Variants in DPH7 observed in about 807,000 individuals in gnomAD.
DPH7 encodes the protein diphthamide biosynthesis 7.
Under a neutral mutation model 41.7 loss-of-function variants are expected in DPH7, and 44 were observed. That is an observed-to-expected ratio of 1.05 (90% CI 0.83 to 1.36). DPH7 has a LOEUF of 1.36. Among genes scored for constraint, DPH7 ranks in the 40% most tolerant of loss-of-function variants. DPH7 has a pLI of 0.00. For synonymous variants in DPH7, 275 were observed against 238.0 expected (o/e 1.16, Z -1.43); for missense variants, 629 against 577.5 (o/e 1.09, Z -0.91).
chr9:137,564,835 A>C (rs1432585455), intron 7 of DPH7, 58 bp downstream of exon 7: 11 of 1,543,114 alleles, frequency 7.1e-6, no homozygotes, highest in African/African-American at 1.4e-5. Flanking sequence ...AGGGCCCAGG[A>C]GCCCCCCGGG....
Position 137,554,447 on chromosome 9 carries a change from T to C in DPH7, c.*792A>G, listed in dbSNP as rs1178459661. Among the ~76,000 whole-genome samples, 1 of 152,182 alleles carries C rather than the reference T, an allele frequency of 6.6e-6. No individual in the cohort carries two copies. Among genetic ancestry groups the C allele is most frequent in the Non-Finnish European group, 1.5e-5 (1 of 68,030 alleles). On this transcript the variant is annotated 3_prime_UTR_variant, in exon 9 of 9. Transcript: ENST00000277540. ...ATCTGTAACTGGTTGTCCTCAATTA[T>C]TGTTTATACAATTTTTTATTATTTA...
At position 137,556,061 on chromosome 9, in the gene DPH7, G is replaced by A. The variant is rs111329149; in HGVS notation, c.950-413C>T. ...AGGTGAGAAAGTCCAAGGCTCGCAC[G>A]GGGAACCACAAACAGGCAGCCATGG... On this transcript the variant is annotated intron_variant, in intron 8 of 8. Transcript: ENST00000277540. This position sits in a 1 kb window ranked among gnomAD's most constrained non-coding sequence, Gnocchi z 5.2. 1.9e-4 allele frequency among the ~76,000 whole-genome samples: 29 copies of A among 152,306 alleles called. No individual in the cohort carries two copies. Among genetic ancestry groups the A allele is most frequent in the African/African-American group, 6.7e-4 (28 of 41,562 alleles).
chr9:137,569,063 A>C (rs1839924797), intron 5 of DPH7, among the ~76,000 whole-genome samples: 1 of 152,080 alleles, frequency 6.6e-6, no homozygotes, highest in African/African-American at 2.4e-5. Context: ...GCACTGAACC[A>C]CAACCAATCT....
chr9:137,574,942 A>G, intron 3 of DPH7, 99 bp from the exon 4 acceptor site: 1 of 1,567,020 alleles, frequency 6.4e-7, no homozygotes, highest in Non-Finnish European at 8.6e-7. Context: ...TCCCTCATTT[A>G]CAACCTATGC....
At position 137,564,954 on chromosome 9, in the gene DPH7, T is replaced by C. The variant is rs1157802069; in HGVS notation, c.715A>G (p.Thr239Ala). The change falls in exon 7 of 9, where the codon ACC becomes GCC. Residue 239 changes from threonine to alanine, a missense_variant. Transcript: ENST00000277540. ...GKFLFTSKRH[T>A]MGVCSIQSSP... ...CTCTGGATGCTGCACACACCCATGG[T>C]GTGTCTGCAAGCAGAGGCGGCTTCT... is the stretch of plus-strand genomic sequence containing the variant. 1.3e-6 allele frequency: 2 copies of C among 1,595,340 alleles called. No individual in the cohort carries two copies. The highest frequency in any genetic ancestry group is 1.8e-5 in the Admixed American group (1 of 57,060).
chr9:137,573,317 C>T lies in DPH7; in HGVS notation c.640+891G>A, dbSNP rs375252489. Among the ~76,000 whole-genome samples the T allele has an allele frequency of 2.5e-4, 35 of 139,202 alleles. No homozygotes were observed. The East Asian group carries it at 7.3e-3, about 29-fold the overall frequency. 91.3% of individuals were successfully genotyped at this position (139,202 alleles called of 152,430 possible). On this transcript the variant is annotated intron_variant, in intron 5 of 8. Coordinates refer to ENST00000277540, the MANE Select transcript of DPH7 (RefSeq NM_138778.5). ...CGGAGCTTGCAGTGAGCCGAGATCGCGCCACTGCACTCCAGCCTAGGCAAC... is the reference window on the plus strand; with the variant it reads ...CGGAGCTTGCAGTGAGCCGAGATCGTGCCACTGCACTCCAGCCTAGGCAAC...
Position 137,577,514 on chromosome 9 carries a change from G to A in DPH7, c.243C>T (p.Val81=), listed in dbSNP as rs1314368602. 2 of 1,613,938 alleles carry A rather than the reference G, an allele frequency of 1.2e-6. No individual in the cohort carries two copies. Among genetic ancestry groups the A allele is most frequent in the Admixed American group, 1.7e-5 (1 of 60,022 alleles). Residue 81 remains valine (V), a synonymous_variant, in exon 2 of 9, where the codon GTC becomes GTT. Coordinates refer to ENST00000277540, the MANE Select transcript of DPH7 (RefSeq NM_138778.5). ...FNDNNSIHPL[V]EVQRKDTSAI... Reference sequence around the variant, plus strand: ...CAGAAGTATCTTTTCTTTGGACCTCGACCAGAGGGTGAATAGAGTTGTTGT... The same window carrying A: ...CAGAAGTATCTTTTCTTTGGACCTCAACCAGAGGGTGAATAGAGTTGTTGT...
intron 8 of DPH7, among the ~76,000 whole-genome samples, chr9:137,563,627 C>T (rs1020631046): frequency 2.6e-5 from 4 of 151,448 alleles, no homozygotes; most frequent in Non-Finnish European, 2.9e-5. Context: ...GCCTTGGGAA[C>T]AGGTGTGGGT....
At chr9:137,576,305 A>C in intron 2 of DPH7, 138 bp from the exon 3 acceptor site, 1 of 684,580 alleles carries the variant, frequency 1.5e-6, no homozygotes, top group Non-Finnish European at 2.6e-6. Context: ...ATCCTACTAC[A>C]CACCTTGATT....
At chr9:137,558,699 G>A (rs903520002) in intron 8 of DPH7, among the ~76,000 whole-genome samples, 7 of 152,204 alleles carry the variant, frequency 4.6e-5, no homozygotes, top group Non-Finnish European at 1.0e-4. Context: ...TTGAAAATAA[G>A]TAGCAGTGAT....
intron 3 of DPH7, chr9:137,575,363 T>G: frequency 1.0e-6 from 1 of 988,408 alleles, no homozygotes; most frequent in Non-Finnish European, 1.2e-6. Flanking sequence ...AGTGCTTAAC[T>G]CCATCCCTGC....
chr9:137,575,603 G>C, intron 3 of DPH7: 4 of 1,007,504 alleles, frequency 4.0e-6, no homozygotes, highest in Non-Finnish European at 4.8e-6. Context: ...ACCCCACTAC[G>C]GGACATCCCC....
At chr9:137,557,339 CTATT>C (rs1379219358) in intron 8 of DPH7, among the ~76,000 whole-genome samples, 2 of 152,116 alleles carry the variant, frequency 1.3e-5, no homozygotes, top group Non-Finnish European at 2.9e-5. Flanking sequence ...AACCCCGTGT[CTATT>C]AAAAATACAA....
In DPH7 at chr9:137,556,897, G is replaced by C. The variant is rs1044409699; in HGVS notation, c.950-1249C>G. The C allele has an allele frequency of 6.6e-6, 3 of 456,576 alleles. No individual in the cohort carries two copies. Among genetic ancestry groups the C allele is most frequent in the Non-Finnish European group, 1.3e-5 (3 of 226,974 alleles). 28.3% of individuals were successfully genotyped at this position (456,576 alleles called of 1,614,324 possible). A position where few individuals can be genotyped will look rare whatever the true frequency, so the allele number is the denominator to read the frequency against. ...AAAGACAGCGAATGAGTGGACGGAA[G>C]ACACTGTTGCGACCCCAAGAATGGG... On this transcript the variant is annotated intron_variant, in intron 8 of 8. Coordinates refer to ENST00000277540, the MANE Select transcript of DPH7 (RefSeq NM_138778.5). The surrounding 1 kb of genome is among the most constrained non-coding windows in gnomAD (Gnocchi z 5.2).
In DPH7 at chr9:137,556,907, C is replaced by G; in HGVS notation, c.950-1259G>C. On this transcript the variant is annotated intron_variant, in intron 8 of 8. Coordinates refer to ENST00000277540, the MANE Select transcript of DPH7 (RefSeq NM_138778.5). This position sits in a 1 kb window ranked among gnomAD's most constrained non-coding sequence, Gnocchi z 5.2. The stretch of plus-strand genomic sequence containing the variant: ...AATGAGTGGACGGAAGACACTGTTG[C>G]GACCCCAAGAATGGGAGGCCCTTTC... 1 of 456,262 alleles carries G rather than the reference C, an allele frequency of 2.2e-6. No individual in the cohort carries two copies. The highest frequency in any genetic ancestry group is 1.5e-5 in the South Asian group (1 of 64,532). 28.3% of individuals were successfully genotyped at this position (456,262 alleles called of 1,614,324 possible).
At position 137,578,659 on chromosome 9, in the gene DPH7, C is replaced by T. The variant is rs200787106; in HGVS notation, c.119G>A (p.Arg40Gln). The T allele has an allele frequency of 9.1e-4, 1,384 of 1,521,494 alleles. 19 individuals are homozygous for T. The African/African-American group carries it at 0.018, about 20-fold the overall frequency. 94.2% of individuals were successfully genotyped at this position (1,521,494 alleles called of 1,614,324 possible). The change falls in exon 1 of 9, where the codon CGG becomes CAG. Residue 40 changes from arginine to glutamine, a missense_variant. Transcript: ENST00000277540. Reference sequence around the variant, plus strand: ...GGGGCCGGCAGGCCGGTCCTCCGGCCGCCGCAGCTGGTAGGTCCCGCACGC... The same window carrying T: ...GGGGCCGGCAGGCCGGTCCTCCGGCTGCCGCAGCTGGTAGGTCCCGCACGC... Reference protein sequence around the residue: ...LLACGTYQLRRPEDRPAGPQN... With the variant: ...LLACGTYQLRQPEDRPAGPQN...
At chr9:137,561,678 A>C (rs1219615842) in intron 8 of DPH7, among the ~76,000 whole-genome samples, 5 of 152,162 alleles carry the variant, frequency 3.3e-5, no homozygotes, top group African/African-American at 1.2e-4. Flanking sequence ...AACTGACTTT[A>C]AAACAAAAAA....
At chr9:137,575,327 A>T in intron 3 of DPH7, 1 of 987,652 alleles carries the variant, frequency 1.0e-6, no homozygotes, top group African/African-American at 1.7e-5. Context: ...GATCTATATA[A>T]ATTTCATTTC....
chr9:137,571,285 C>T (rs1840390112), intron 5 of DPH7, among the ~76,000 whole-genome samples: 1 of 151,896 alleles, frequency 6.6e-6, no homozygotes, highest in Non-Finnish European at 1.5e-5. Flanking sequence ...CTCCCGGGTT[C>T]AAGCAATTCC....
Sources: allele counts gnomAD v4.1 joint callset (sites outside exome capture counted in the v4.1 genomes callset), GRCh38; gene constraint gnomAD v4.1.1; non-coding constraint Gnocchi (gnomAD v3.1); transcripts MANE v1.5; gene names NCBI Gene and HGNC (gene_info 2026-07-23, HGNC 2026-07-21).